Variants in CEP112 observed in about 807,000 individuals in gnomAD.
The protein encoded by CEP112 is centrosomal protein of 112 kDa.
CEP112 carries 127 observed loss-of-function variants against 153.0 expected under a neutral mutation model. The observed-to-expected ratio is 0.83, with a 90% CI of 0.72 to 0.96. The LOEUF (loss-of-function observed/expected upper bound fraction) is 0.96, where lower values mean the gene tolerates loss of function less well. Among genes scored for constraint, CEP112 ranks in the 40% least tolerant of loss-of-function variants. The pLI, the probability that CEP112 is intolerant of heterozygous loss-of-function variation, is 0.00. For synonymous variants in CEP112, 358 were observed against 374.4 expected, an observed-to-expected ratio of 0.96 and a Z score of 0.51; for missense variants, 1,089 against 1,101.2, an observed-to-expected ratio of 0.99 and a Z score of 0.16.
chr17:65,695,734 C>T lies in CEP112; in HGVS notation c.2608-6516G>A, dbSNP rs1416060866. 2.0e-5 allele frequency among the ~76,000 whole-genome samples: 3 copies of T among 152,228 alleles called. No homozygotes were observed. The East Asian group carries it at 5.8e-4, about 29-fold the overall frequency. On this transcript the variant is annotated intron_variant, in intron 23 of 26. Coordinates refer to ENST00000535342, the MANE Select transcript of CEP112 (RefSeq NM_001199165.4). ...ATACAAGGTATATAACAGAGAGAGG[C>T]TTTCAGATGTAGTACTGTAGCAAGA...
At chr17:65,827,676 A>G (rs1198442687) in intron 21 of CEP112, among the ~76,000 whole-genome samples, 2 of 152,168 alleles carry the variant, frequency 1.3e-5, no homozygotes, top group Non-Finnish European at 2.9e-5. Context: ...ACAGCCTCAA[A>G]GGCCCTACAT....
At position 65,927,579 on chromosome 17, in the gene CEP112, A is replaced by G; in HGVS notation, c.1980+3T>C. 6.4e-7 allele frequency: 1 copy of G among 1,551,284 alleles called. No homozygotes were observed. Among genetic ancestry groups the G allele is most frequent in the South Asian group, 1.2e-5 (1 of 81,552 alleles). On this transcript the variant is annotated splice_donor_region_variant and intron_variant, in intron 19 of 26. Coordinates refer to ENST00000535342, the MANE Select transcript of CEP112 (RefSeq NM_001199165.4). ...AATGGCAGCATCAAAATGAAAGACC[A>G]ACCTGTTGTTCATACCGCTGTCTGA...
chr17:65,889,331 G>A (rs1163512155), intron 20 of CEP112, among the ~76,000 whole-genome samples: 10 of 152,270 alleles, frequency 6.6e-5, no homozygotes, highest in Admixed American at 2.0e-4. Context: ...TTCATTTGGT[G>A]TAGTAGTCCA....
intron 24 of CEP112, among the ~76,000 whole-genome samples, chr17:65,660,535 TTCTC>T (rs1202818815): frequency 1.5e-5 from 2 of 131,280 alleles, no homozygotes; most frequent in African/African-American, 6.3e-5. Flanking sequence ...TCTTCCTTTC[TTCTC>T]TTTTTTTCTT....
chr17:65,670,864 G>A (rs1334385641), intron 24 of CEP112, among the ~76,000 whole-genome samples: 3 of 122,432 alleles, frequency 2.5e-5, no homozygotes, highest in African/African-American at 9.5e-5. Flanking sequence ...GCAGTTGAAT[G>A]CCTGCTTTGT....
chr17:65,965,221 A>C (rs1447604675), intron 17 of CEP112, among the ~76,000 whole-genome samples: 2 of 152,236 alleles, frequency 1.3e-5, no homozygotes, highest in African/African-American at 4.8e-5. Context: ...AACTTTAGCT[A>C]TCCGTCAGAT....
chr17:66,052,897 A>G lies in CEP112; in HGVS notation c.1218+839T>C, dbSNP rs1379988396. 1.3e-5 allele frequency among the ~76,000 whole-genome samples: 2 copies of G among 152,090 alleles called. 1 individual carries two copies. Among genetic ancestry groups the G allele is most frequent in the Admixed American group, 1.3e-4 (2 of 15,260 alleles). ...CAACGCGGGCAGATCGCTTGAGTCC[A>G]GGAGTTCAAGACCAGCCTGGCCAAC... is the stretch of plus-strand genomic sequence containing the variant. On this transcript the variant is annotated intron_variant, in intron 12 of 26. Transcript: ENST00000535342.
intron 16 of CEP112, among the ~76,000 whole-genome samples, chr17:66,013,147 C>CTTGGA (rs1236262170): frequency 6.6e-6 from 1 of 151,942 alleles, no homozygotes; most frequent in African/African-American, 2.4e-5. Flanking sequence ...CCTTATAATC[C>CTTGGA]TTGGATTGGG....
At chr17:66,181,429 T>C (rs2072715698) in intron 2 of CEP112, among the ~76,000 whole-genome samples, 2 of 152,110 alleles carry the variant, frequency 1.3e-5, no homozygotes, top group Non-Finnish European at 2.9e-5. Flanking sequence ...CACTGCAAGC[T>C]CTGCCTCCCG....
At chr17:65,985,586 G>C (rs1448174272) in intron 17 of CEP112, among the ~76,000 whole-genome samples, 1 of 151,988 alleles carries the variant, frequency 6.6e-6, no homozygotes, top group Non-Finnish European at 1.5e-5. Flanking sequence ...AGTTGTCTAT[G>C]GTCTACTATA....
chr17:65,792,997 T>C (rs773952073), intron 21 of CEP112, among the ~76,000 whole-genome samples: 5 of 152,014 alleles, frequency 3.3e-5, no homozygotes, highest in Admixed American at 1.3e-4. Flanking sequence ...ACTGAGGATG[T>C]AGCCATGTCC....
At chr17:65,853,505 T>C (rs916616273) in intron 20 of CEP112, among the ~76,000 whole-genome samples, 1 of 151,766 alleles carries the variant, frequency 6.6e-6, no homozygotes, top group Non-Finnish European at 1.5e-5. Context: ...CCGAGGCGGG[T>C]GGATCACAAG....
At chr17:66,152,569 T>A (rs996881992) in intron 4 of CEP112, among the ~76,000 whole-genome samples, 4 of 152,116 alleles carry the variant, frequency 2.6e-5, no homozygotes, top group Non-Finnish European at 4.4e-5. Context: ...TGCATAGACA[T>A]AAAGCCAAGG....
chr17:65,857,597 C>A (rs375542418), intron 20 of CEP112, among the ~76,000 whole-genome samples: 49 of 152,052 alleles, frequency 3.2e-4, no homozygotes, highest in Non-Finnish European at 6.2e-4. Context: ...TATTTTCAAA[C>A]GTTACATCAA....
At chr17:65,951,746 C>CT (rs780754868) in intron 18 of CEP112, among the ~76,000 whole-genome samples, 1 of 105,176 alleles carries the variant, frequency 9.5e-6, no homozygotes, top group South Asian at 4.4e-4. Flanking sequence ...TTCCCCCGCC[C>CT]CCCCCTTTCT....
In CEP112 at chr17:66,041,214, T is replaced by C. The variant is rs9905918; in HGVS notation, c.1219-11191A>G. Among the ~76,000 whole-genome samples, 937 of 151,566 alleles carry C rather than the reference T, an allele frequency of 6.2e-3. 11 individuals are homozygous for C. Among genetic ancestry groups the C allele is most frequent in the African/African-American group, 0.022 (891 of 41,338 alleles). On this transcript the variant is annotated intron_variant, in intron 12 of 26. Coordinates refer to ENST00000535342, the MANE Select transcript of CEP112 (RefSeq NM_001199165.4). Reference sequence around the variant, plus strand: ...TTTTAGAATTATTATATAATGAATATACATTGAGAAACAAAAAATATAGCC... The same window carrying C: ...TTTTAGAATTATTATATAATGAATACACATTGAGAAACAAAAAATATAGCC...
At chr17:65,962,727 T>C (rs1016748667) in intron 17 of CEP112, among the ~76,000 whole-genome samples, 9 of 151,374 alleles carry the variant, frequency 5.9e-5, no homozygotes, top group Non-Finnish European at 1.3e-4. Context: ...GTTCTCATGA[T>C]AGTGAGTCTA....
chr17:65,938,631 T>C (rs2061424087), intron 18 of CEP112, among the ~76,000 whole-genome samples: 1 of 152,036 alleles, frequency 6.6e-6, no homozygotes, highest in Non-Finnish European at 1.5e-5. Context: ...AAAGGCATCC[T>C]AGTAGGAAAG....
At chr17:65,773,627 T>G (rs370365174) in intron 21 of CEP112, among the ~76,000 whole-genome samples, 5 of 152,230 alleles carry the variant, frequency 3.3e-5, no homozygotes, top group African/African-American at 1.2e-4. Flanking sequence ...ATACATATGG[T>G]GACTATCTCC....
Sources: allele counts gnomAD v4.1 joint callset (sites outside exome capture counted in the v4.1 genomes callset), GRCh38; gene constraint gnomAD v4.1.1; transcripts MANE v1.5; gene names NCBI Gene and HGNC (gene_info 2026-07-23, HGNC 2026-07-21).